Variants in BLTP3A observed in about 807,000 individuals in gnomAD.
BLTP3A encodes ICBP90 binding protein 1.
chr6:34,817,874 G>A, the BLTP3A span, among the ~76,000 whole-genome samples: 1 of 150,668 alleles, frequency 6.6e-6, no homozygotes, highest in Non-Finnish European at 1.5e-5. Flanking sequence ...TTTTTGGGGG[G>A]GTGGAGTCTC....
the BLTP3A span, chr6:34,875,671 C>A: frequency 6.6e-6 from 1 of 152,110 alleles, no homozygotes; most frequent in Admixed American, 6.6e-5. Context: ...TCTGTCTTTC[C>A]TTATGTGGCA....
At chr6:34,844,292 T>C in the BLTP3A span, among the ~76,000 whole-genome samples, 3 of 152,104 alleles carry the variant, frequency 2.0e-5, no homozygotes, top group Admixed American at 1.3e-4. Flanking sequence ...TGGTTTGTTT[T>C]TGAGACAGAG....
chr6:34,852,206 G>A, the BLTP3A span, among the ~76,000 whole-genome samples: 1 of 152,032 alleles, frequency 6.6e-6, no homozygotes, highest in African/African-American at 2.4e-5. Flanking sequence ...TCTCCTTGTG[G>A]TCACCACAGG....
the BLTP3A span, chr6:34,834,926 G>A: frequency 6.4e-7 from 1 of 1,570,158 alleles, no homozygotes; most frequent in East Asian, 2.2e-5. Context: ...CCTGGATTTG[G>A]TATTCCCTTA....
At chr6:34,802,191 A>T in the BLTP3A span, among the ~76,000 whole-genome samples, 2 of 151,934 alleles carry the variant, frequency 1.3e-5, no homozygotes, top group African/African-American at 4.8e-5. Context: ...CTGCATTTTT[A>T]TTATTTATTA....
the BLTP3A span, chr6:34,872,501 G>A: frequency 1.9e-5 from 30 of 1,548,952 alleles, no homozygotes; most frequent in South Asian, 3.8e-4. Flanking sequence ...CACCACCTAG[G>A]ACAGAGGGCA....
At chr6:34,855,718 G>A in the BLTP3A span, 1 of 1,613,152 alleles carries the variant, frequency 6.2e-7, no homozygotes, top group Non-Finnish European at 8.5e-7. Flanking sequence ...GGAAAACTCT[G>A]AATGGGGCCA....
chr6:34,858,855 C>T, the BLTP3A span: 2 of 1,614,100 alleles, frequency 1.2e-6, no homozygotes, highest in South Asian at 1.1e-5. Flanking sequence ...TTGACCACTA[C>T]CAGTACTTGG....
the BLTP3A span, among the ~76,000 whole-genome samples, chr6:34,801,512 T>C: frequency 4.6e-5 from 7 of 152,244 alleles, no homozygotes; most frequent in South Asian, 6.2e-4. Flanking sequence ...CTGAGGGGCA[T>C]GACTAGCGTT....
At chr6:34,875,833 A>G in the BLTP3A span, 1 of 152,490 alleles carries the variant, frequency 6.6e-6, no homozygotes, top group Non-Finnish European at 1.5e-5. Context: ...GATTAAGTGT[A>G]AAGGAAAATA....
At chr6:34,815,178 G>T in the BLTP3A span, among the ~76,000 whole-genome samples, 1 of 152,182 alleles carries the variant, frequency 6.6e-6, no homozygotes, top group Non-Finnish European at 1.5e-5. Context: ...TTTGTAGTTT[G>T]GTTTTGGTGG....
At chr6:34,870,651 A>G in the BLTP3A span, among the ~76,000 whole-genome samples, 1 of 152,214 alleles carries the variant, frequency 6.6e-6, no homozygotes, top group African/African-American at 2.4e-5. Context: ...TGGACTTGGC[A>G]ATCAGACTGC....
At chr6:34,821,412 G>C in the BLTP3A span, 1 of 455,672 alleles carries the variant, frequency 2.2e-6, no homozygotes, top group South Asian at 3.1e-5. Context: ...CTTATATGGT[G>C]TAGAGATGGT....
At chr6:34,795,129 G>T in the BLTP3A span, among the ~76,000 whole-genome samples, 1 of 151,742 alleles carries the variant, frequency 6.6e-6, no homozygotes, top group Non-Finnish European at 1.5e-5. Flanking sequence ...TTGTGCCTAG[G>T]CTGGAGTGCA....
the BLTP3A span, chr6:34,835,192 T>G: frequency 1.6e-6 from 2 of 1,246,868 alleles, no homozygotes; most frequent in Non-Finnish European, 2.3e-6. Flanking sequence ...TTTCACATAT[T>G]GGAGATTGAA....
At chr6:34,834,094 C>A in the BLTP3A span, 1 of 1,091,002 alleles carries the variant, frequency 9.2e-7, no homozygotes, top group Non-Finnish European at 1.3e-6. Context: ...AGAGCAAGAA[C>A]CTGTCTCAAA....
chr6:34,820,834 TAGA>T, the BLTP3A span, among the ~76,000 whole-genome samples: 2 of 140,378 alleles, frequency 1.4e-5, no homozygotes, highest in African/African-American at 5.2e-5. Context: ...TTTTTTTTTT[TAGA>T]GATAGGGTCT....
chr6:34,835,320 C>T, the BLTP3A span: 1 of 1,614,112 alleles, frequency 6.2e-7, no homozygotes, highest in Non-Finnish European at 8.5e-7. Flanking sequence ...TGATATCCTC[C>T]AAGCTGATGT....
the BLTP3A span, among the ~76,000 whole-genome samples, chr6:34,822,519 G>C: frequency 6.6e-6 from 1 of 152,088 alleles, no homozygotes; most frequent in Non-Finnish European, 1.5e-5. Flanking sequence ...GGTTACGGGC[G>C]TGAGCCACCG....
Sources: gnomAD v4.1 joint callset for allele counts (sites outside exome capture counted in the v4.1 genomes callset) on GRCh38, gnomAD v4.1.1 for gene constraint, MANE v1.5 for transcripts, NCBI Gene and HGNC (gene_info 2026-07-23, HGNC 2026-07-21) for gene names.